The following NINL variants were observed in gnomAD, a reference collection of about 807,000 sequenced individuals.
NINL encodes ninein-like protein.
NINL carries 153 observed loss-of-function variants against 160.3 expected under a neutral mutation model. The observed-to-expected ratio is 0.95, with a 90% CI of 0.84 to 1.09. NINL has a LOEUF of 1.09. NINL is among the 50% of genes least tolerant of loss of function. The pLI is 0.00. For missense variants in NINL, 1,829 were observed against 1,764.0 expected (o/e 1.04, Z -0.66); for synonymous variants, 800 against 734.8 (o/e 1.09, Z -1.43).
intron 1 of NINL, among the ~76,000 whole-genome samples, chr20:25,561,818 G>T (rs1457659252): frequency 1.3e-5 from 2 of 151,938 alleles, no homozygotes; most frequent in African/African-American, 4.8e-5. Flanking sequence ...TCTGAGAAGT[G>T]AGGAGCCCCT....
At chr20:25,531,900 T>G (rs2064470940) in intron 1 of NINL, among the ~76,000 whole-genome samples, 1 of 152,170 alleles carries the variant, frequency 6.6e-6, no homozygotes, top group South Asian at 2.1e-4. Flanking sequence ...CTCTCAGCTC[T>G]CCCTACACCA....
At chr20:25,519,282 C>T (rs1378701012) in intron 2 of NINL, among the ~76,000 whole-genome samples, 1 of 152,024 alleles carries the variant, frequency 6.6e-6, no homozygotes, top group Non-Finnish European at 1.5e-5. Flanking sequence ...GACTTCAATG[C>T]CTTTGTTATC....
intron 1 of NINL, among the ~76,000 whole-genome samples, chr20:25,538,144 G>A (rs1031861192): frequency 4.6e-5 from 7 of 152,176 alleles, no homozygotes; most frequent in South Asian, 2.1e-4. Context: ...ATGTGTCACC[G>A]AGTGAAGGGC....
At chr20:25,529,267 T>G (rs187240741) in intron 1 of NINL, among the ~76,000 whole-genome samples, 1 of 152,032 alleles carries the variant, frequency 6.6e-6, no homozygotes, top group Non-Finnish European at 1.5e-5. Context: ...AGCAAGATCT[T>G]GTCTCTTAAA....
intron 1 of NINL, among the ~76,000 whole-genome samples, chr20:25,560,189 A>G (rs894379152): frequency 6.6e-6 from 1 of 152,050 alleles, no homozygotes; most frequent in African/African-American, 2.4e-5. Flanking sequence ...GCCTCAGGCA[A>G]TTCTTCACCT....
intron 20 of NINL, among the ~76,000 whole-genome samples, chr20:25,462,078 C>A (rs574381765): frequency 2.6e-5 from 4 of 152,220 alleles, no homozygotes; most frequent in Non-Finnish European, 5.9e-5. Context: ...ACATCCCCAT[C>A]GGAATCGTGA....
chr20:25,476,954 C>T lies in NINL; in HGVS notation c.2337G>A (p.Leu779=). Residue 779 remains leucine, a synonymous_variant, in exon 17 of 24, where the codon CTG becomes CTA. Transcript: ENST00000278886. ...GCAGCTTCAGTGCCCTCTCCAGCTCCAGCTGCTCCGACCTCTGGCTCCCGC... is the reference window on the plus strand; with the variant it reads ...GCAGCTTCAGTGCCCTCTCCAGCTCTAGCTGCTCCGACCTCTGGCTCCCGC... The part of the protein sequence containing the change: ...LPRGSQRSEQ[L]ELERALKLQP... The T allele has an allele frequency of 6.2e-7, 1 of 1,610,004 alleles. No homozygotes were observed. Among genetic ancestry groups the T allele is most frequent in the African/African-American group, 1.3e-5 (1 of 75,062 alleles).
chr20:25,539,864 G>A (rs1402555647), intron 1 of NINL, among the ~76,000 whole-genome samples: 1 of 152,224 alleles, frequency 6.6e-6, no homozygotes, highest in African/African-American at 2.4e-5. Context: ...CGGGGCGGAG[G>A]AAAGAAACGG....
intron 1 of NINL, among the ~76,000 whole-genome samples, chr20:25,574,023 T>G (rs1207207918): frequency 6.6e-6 from 1 of 151,640 alleles, no homozygotes; most frequent in Admixed American, 6.6e-5. Context: ...TGGGAAGGAG[T>G]GTGGGGAGTC....
At chr20:25,486,275 T>C (rs141578871) in intron 13 of NINL, among the ~76,000 whole-genome samples, 2 of 152,194 alleles carry the variant, frequency 1.3e-5, no homozygotes, top group African/African-American at 4.8e-5. Context: ...AGGGGAAATA[T>C]CTGAATAAAT....
At chr20:25,559,426 A>G (rs1404939682) in intron 1 of NINL, among the ~76,000 whole-genome samples, 1 of 152,084 alleles carries the variant, frequency 6.6e-6, no homozygotes, top group African/African-American at 2.4e-5. Context: ...TTTTTATTAG[A>G]GACGGGGTTT....
chr20:25,531,082 G>T (rs944554512), intron 1 of NINL, among the ~76,000 whole-genome samples: 1 of 152,200 alleles, frequency 6.6e-6, no homozygotes, highest in African/African-American at 2.4e-5. Flanking sequence ...CACCCTCAGG[G>T]ACGCATTCTC....
chr20:25,504,422 C>T (rs546951881), intron 6 of NINL, among the ~76,000 whole-genome samples: 2 of 152,340 alleles, frequency 1.3e-5, no homozygotes, highest in East Asian at 3.9e-4. Context: ...AGGCCAGGCC[C>T]TGCAGTGTGA....
chr20:25,484,664 G>A (rs150205505), intron 13 of NINL, among the ~76,000 whole-genome samples: 199 of 152,316 alleles, frequency 1.3e-3, no homozygotes, highest in South Asian at 3.9e-3. Context: ...AGATCTGGAC[G>A]GACAGGATTT....
chr20:25,482,408 A>G (rs2063410332), intron 13 of NINL, among the ~76,000 whole-genome samples: 1 of 152,160 alleles, frequency 6.6e-6, no homozygotes, highest in South Asian at 2.1e-4. Flanking sequence ...GTGCAATCTC[A>G]GCTCACTTCA....
chr20:25,557,387 T>C (rs1298635347), intron 1 of NINL, among the ~76,000 whole-genome samples: 1 of 151,676 alleles, frequency 6.6e-6, no homozygotes, highest in Non-Finnish European at 1.5e-5. Flanking sequence ...CCAAATTAGA[T>C]AGGTGTGATG....
Position 25,559,886 on chromosome 20 carries a change from C to T in NINL, c.-12+25569G>A, listed in dbSNP as rs139934157. On this transcript the variant is annotated intron_variant, in intron 1 of 23. Coordinates refer to ENST00000278886, the MANE Select transcript of NINL (RefSeq NM_025176.6). Reference sequence around the variant, plus strand: ...CCTCCCAAACTGTTGGGATTACAGGCGTGAGCCAGCATGCCCCGCCTTGCA... The same window carrying T: ...CCTCCCAAACTGTTGGGATTACAGGTGTGAGCCAGCATGCCCCGCCTTGCA... Among the ~76,000 whole-genome samples the T allele has an allele frequency of 6.6e-3, 1,004 of 152,110 alleles. 6 individuals carry two copies. Among genetic ancestry groups the T allele is most frequent in the South Asian group, 0.045 (217 of 4,810 alleles).
At chr20:25,539,948 G>T in intron 1 of NINL, 1 of 1,010,318 alleles carries the variant, frequency 9.9e-7, no homozygotes, top group Non-Finnish European at 1.4e-6. Flanking sequence ...GTTCCCGGGG[G>T]CTCCCAGGCC....
chr20:25,455,952 C>T (rs182752704), intron 22 of NINL, among the ~76,000 whole-genome samples, 166 bp from the exon 23 acceptor site: 3 of 151,910 alleles, frequency 2.0e-5, no homozygotes, highest in Admixed American at 1.3e-4. Flanking sequence ...AAAAATTAGC[C>T]GTGTGTGGTG....
Sources: allele counts gnomAD v4.1 joint callset (sites outside exome capture counted in the v4.1 genomes callset), GRCh38; gene constraint gnomAD v4.1.1; transcripts MANE v1.5; gene names NCBI Gene and HGNC (gene_info 2026-07-23, HGNC 2026-07-21).